Variants in OR5H14 observed in about 807,000 individuals in gnomAD.
The protein encoded by OR5H14 is olfactory receptor family 5 subfamily H member 14, also known as olfactory receptor 5H14.
For missense variants in OR5H14, 392 were observed against 363.9 expected (o/e 1.08, Z -0.63); for synonymous variants, 155 against 130.6 (o/e 1.19, Z -1.28).
chr3:98,148,747 T>C (rs1048793525), intron 1 of OR5H14, among the ~76,000 whole-genome samples: 1 of 152,048 alleles, frequency 6.6e-6, no homozygotes, highest in East Asian at 1.9e-4. Flanking sequence ...AAATACAGAT[T>C]TCTAGAACTC....
rs4997992 is a variant in OR5H14 at position 98,154,624 on chromosome 3, G to A, written c.*4306G>A. 3.1e-5 allele frequency: 3 copies of A among 96,012 alleles called. No individual in the cohort carries two copies. Among genetic ancestry groups the A allele is most frequent in the East Asian group, 7.5e-4 (1 of 1,336 alleles). The allele number at this position is 96,012 out of a possible 1,614,324, so 5.9% of individuals were successfully genotyped here. ...TAACTGAGCAAAAGGCTTAGTAGATGCAGAGTGACAAGATAGAGTATGATA... is the reference window on the plus strand; with the variant it reads ...TAACTGAGCAAAAGGCTTAGTAGATACAGAGTGACAAGATAGAGTATGATA... On this transcript the variant is annotated 3_prime_UTR_variant, in exon 2 of 2. Coordinates refer to ENST00000641380, the MANE Select transcript of OR5H14 (RefSeq NM_001005514.2).
At chr3:98,148,864 CCT>C (rs1708457359) in intron 1 of OR5H14, among the ~76,000 whole-genome samples, 1 of 151,998 alleles carries the variant, frequency 6.6e-6, no homozygotes, top group Admixed American at 6.6e-5. Flanking sequence ...ATTGCTGGAA[CCT>C]TAGTAACAAG....
chr3:98,149,181 C>A, intron 1 of OR5H14, 187 bp from the exon 2 acceptor site: 1 of 670,476 alleles, frequency 1.5e-6, no homozygotes, highest in Non-Finnish European at 2.4e-6. Flanking sequence ...ATATTACTAC[C>A]AAATTTTCAA....
At chr3:98,148,741 A>C (rs1467315340) in intron 1 of OR5H14, among the ~76,000 whole-genome samples, 1 of 152,062 alleles carries the variant, frequency 6.6e-6, no homozygotes, top group Admixed American at 6.6e-5. Flanking sequence ...ATTTTTAAAT[A>C]CAGATTTCTA....
At position 98,154,989 on chromosome 3, in the gene OR5H14, C is replaced by T. The variant is rs1032574667; in HGVS notation, c.*4671C>T. ...TGGAATTCTAACCTTCCTAACTGCT[C>T]CCACAGATAATATTCCTATTGTGAA... On this transcript the variant is annotated 3_prime_UTR_variant, in exon 2 of 2. Transcript: ENST00000641380. 2.7e-5 allele frequency: 4 copies of T among 146,398 alleles called. No homozygotes were observed. Among genetic ancestry groups the T allele is most frequent in the African/African-American group, 1.0e-4 (4 of 38,726 alleles). The allele number at this position is 146,398 out of a possible 1,614,324, so 9.1% of individuals were successfully genotyped here. A position where few individuals can be genotyped will look rare whatever the true frequency, so the allele number is the denominator to read the frequency against.
At position 98,150,063 on chromosome 3, in the gene OR5H14, GA is replaced by G. The variant is rs1165295502; in HGVS notation, c.683del (p.Lys228ArgfsTer7). 2 of 1,610,758 alleles carry G rather than the reference GA, an allele frequency of 1.2e-6. No homozygotes were observed. The highest frequency in any genetic ancestry group is 2.2e-5 in the East Asian group (1 of 44,752). Reference protein sequence around the residue: ...SYIFVLYTILKKKSVKGMRKA... With the variant: ...SYIFVLYTILXKKSVKGMRKA... ...ACATATTTGTCCTCTATACAATCTTGAAAAAGAAGTCTGTCAAAGGTATGAG... is the reference window on the plus strand; with the variant it reads ...ACATATTTGTCCTCTATACAATCTTGAAAAGAAGTCTGTCAAAGGTATGAG... On this transcript the variant is annotated frameshift_variant, in exon 2 of 2. Coordinates refer to ENST00000641380, the MANE Select transcript of OR5H14 (RefSeq NM_001005514.2). LOFTEE classifies it low-confidence loss of function (END_TRUNC).
At position 98,151,129 on chromosome 3, in the gene OR5H14, A is replaced by G. The variant is rs1414485345; in HGVS notation, c.*811A>G. On this transcript the variant is annotated 3_prime_UTR_variant, in exon 2 of 2. Coordinates refer to ENST00000641380, the MANE Select transcript of OR5H14 (RefSeq NM_001005514.2). ...AGATAAATGGCATAGTGGGAAGAAA[A>G]TGGTCTTAATCTTCCCAGAAAAAAA... 1 of 152,130 alleles carries G rather than the reference A, an allele frequency of 6.6e-6. No individual in the cohort carries two copies. Among genetic ancestry groups the G allele is most frequent in the South Asian group, 2.1e-4 (1 of 4,826 alleles). The allele number at this position is 152,130 out of a possible 1,614,324, so 9.4% of individuals were successfully genotyped here.
At chr3:98,149,209 T>G (rs1332104192) in intron 1 of OR5H14, 159 bp from the exon 2 acceptor site, 7 of 797,166 alleles carry the variant, frequency 8.8e-6, no homozygotes, top group African/African-American at 3.5e-5. Context: ...TATGACATTT[T>G]TTTCATTTCT....
intron 1 of OR5H14, among the ~76,000 whole-genome samples, chr3:98,148,583 C>A (rs1048714486): frequency 1.3e-5 from 2 of 151,972 alleles, no homozygotes; most frequent in African/African-American, 4.8e-5. Context: ...CCTTTATTAC[C>A]ACTTCTTCCC....
At position 98,154,046 on chromosome 3, in the gene OR5H14, A is replaced by G. The variant is rs991142616; in HGVS notation, c.*3728A>G. ...GTTTTGTAACTAGGTTAATGAGTTGAAGGTGGATCCCACTGATGAATAGGA... is the reference window on the plus strand; with the variant it reads ...GTTTTGTAACTAGGTTAATGAGTTGGAGGTGGATCCCACTGATGAATAGGA... On this transcript the variant is annotated 3_prime_UTR_variant, in exon 2 of 2. Coordinates refer to ENST00000641380, the MANE Select transcript of OR5H14 (RefSeq NM_001005514.2). The G allele has an allele frequency of 8.5e-5, 13 of 152,170 alleles. No individual in the cohort carries two copies. Among genetic ancestry groups the G allele is most frequent in the African/African-American group, 3.1e-4 (13 of 41,440 alleles). 9.4% of individuals were successfully genotyped at this position (152,170 alleles called of 1,614,324 possible). A position where few individuals can be genotyped will look rare whatever the true frequency, so the allele number is the denominator to read the frequency against.
chr3:98,150,311 A>G lies in OR5H14; in HGVS notation c.926A>G (p.Asp309Gly). 6.4e-7 allele frequency: 1 copy of G among 1,566,222 alleles called. No individual in the cohort carries two copies. The highest frequency in any genetic ancestry group is 1.2e-5 in the South Asian group (1 of 83,234). Residue 309 changes from aspartate to glycine, a missense_variant, in exon 2 of 2, where the codon GAT (aspartate) becomes GGT (glycine). By Grantham distance (94) the Asp-to-Gly change is moderately conservative. Coordinates refer to ENST00000641380, the MANE Select transcript of OR5H14 (RefSeq NM_001005514.2). Reference sequence around the variant, plus strand: ...TTCACAAAAATGTTCAAAAGAAATGATGTTTAGATCATTACTAATATCTCT... The same window carrying G: ...TTCACAAAAATGTTCAAAAGAAATGGTGTTTAGATCATTACTAATATCTCT... ...ASFTKMFKRN[D>G]V
rs1708469565 is a variant in OR5H14 at position 98,149,557 on chromosome 3, C to T, written c.172C>T (p.Pro58Ser). ...VIWKDPHLHIPMYLLLGNLAF... is the reference protein window; with the variant it reads ...VIWKDPHLHISMYLLLGNLAF... ...CTGGAAAGACCCTCATCTTCATATCCCAATGTACTTACTCCTTGGGAATTT... is the reference window on the plus strand; with the variant it reads ...CTGGAAAGACCCTCATCTTCATATCTCAATGTACTTACTCCTTGGGAATTT... Residue 58 changes from proline to serine, a missense_variant, in exon 2 of 2, where the codon CCA (proline) becomes TCA (serine). Physicochemically the swap from Pro to Ser is moderately conservative, Grantham distance 74 (BLOSUM62 -1). Coordinates refer to ENST00000641380, the MANE Select transcript of OR5H14 (RefSeq NM_001005514.2). 6.2e-7 allele frequency: 1 copy of T among 1,613,354 alleles called. No homozygotes were observed. The highest frequency in any genetic ancestry group is 8.5e-7 in the Non-Finnish European group (1 of 1,179,592).
At position 98,155,780 on chromosome 3, in the gene OR5H14, G is replaced by A. The variant is rs1411480380; in HGVS notation, c.*5462G>A. 1 of 152,250 alleles carries A rather than the reference G, an allele frequency of 6.6e-6. No individual in the cohort carries two copies. The highest frequency in any genetic ancestry group is 1.9e-4 in the East Asian group (1 of 5,180). 9.4% of individuals were successfully genotyped at this position (152,250 alleles called of 1,614,324 possible). Reference sequence around the variant, plus strand: ...GACCATATTAATCACAGCATTCAAAGCATCCTATTTTATGTACAAACTGAA... The same window carrying A: ...GACCATATTAATCACAGCATTCAAAACATCCTATTTTATGTACAAACTGAA... On this transcript the variant is annotated 3_prime_UTR_variant, in exon 2 of 2. Coordinates refer to ENST00000641380, the MANE Select transcript of OR5H14 (RefSeq NM_001005514.2).
In OR5H14 at chr3:98,155,859, T is replaced by C. The variant is rs1708583061; in HGVS notation, c.*5541T>C. 6.6e-6 allele frequency: 1 copy of C among 152,154 alleles called. No individual in the cohort carries two copies. Among genetic ancestry groups the C allele is most frequent in the African/African-American group, 2.4e-5 (1 of 41,450 alleles). The allele number at this position is 152,154 out of a possible 1,614,324, so 9.4% of individuals were successfully genotyped here. A position where few individuals can be genotyped will look rare whatever the true frequency, so the allele number is the denominator to read the frequency against. ...TGTTGTGGATAATAGTGGCATAAAG[T>C]GTAATTTCAATTGTTAAAACCCAAA... On this transcript the variant is annotated 3_prime_UTR_variant, in exon 2 of 2. Transcript: ENST00000641380.
chr3:98,156,489 C>G lies in OR5H14; in HGVS notation c.*6171C>G, dbSNP rs1176555741. ...TAAGTTTTTAATGATAATTCATTAT[C>G]TTGTTAACCTGACTATAATGATGTT... is the stretch of plus-strand genomic sequence containing the variant. On this transcript the variant is annotated 3_prime_UTR_variant, in exon 2 of 2. Coordinates refer to ENST00000641380, the MANE Select transcript of OR5H14 (RefSeq NM_001005514.2). 2.6e-5 allele frequency: 4 copies of G among 152,168 alleles called. No homozygotes were observed. Among genetic ancestry groups the G allele is most frequent in the East Asian group, 1.9e-4 (1 of 5,172 alleles). 9.4% of individuals were successfully genotyped at this position (152,168 alleles called of 1,614,324 possible).
Position 98,149,802 on chromosome 3 carries a change from A to G in OR5H14, c.417A>G (p.Gly139=), listed in dbSNP as rs1708474642. The change falls in exon 2 of 2, where the codon GGA becomes GGG. Residue 139 remains glycine, a synonymous_variant. Transcript: ENST00000641380. ...PLLYPAIMTN[G]LCIRLLILSY... is the part of the protein sequence containing the mutation. Reference sequence around the variant, plus strand: ...TTTATCCAGCCATTATGACCAATGGACTGTGCATCCGGCTATTAATCTTGT... The same window carrying G: ...TTTATCCAGCCATTATGACCAATGGGCTGTGCATCCGGCTATTAATCTTGT... 1.9e-6 allele frequency: 3 copies of G among 1,612,660 alleles called. No homozygotes were observed. In the South Asian group the frequency reaches 3.3e-5, roughly 18 times the overall value.
chr3:98,149,805 G>C lies in OR5H14; in HGVS notation c.420G>C (p.Leu140=). 1 of 1,607,412 alleles carries C rather than the reference G, an allele frequency of 6.2e-7. No individual in the cohort carries two copies. Among genetic ancestry groups the C allele is most frequent in the Non-Finnish European group, 8.5e-7 (1 of 1,179,396 alleles). Residue 140 remains leucine, a synonymous_variant, in exon 2 of 2, where the codon CTG becomes CTC. Coordinates refer to ENST00000641380, the MANE Select transcript of OR5H14 (RefSeq NM_001005514.2). ...LLYPAIMTNG[L]CIRLLILSYV... is the part of the protein sequence containing the mutation. ...ATCCAGCCATTATGACCAATGGACT[G>C]TGCATCCGGCTATTAATCTTGTCAT...
In OR5H14 at chr3:98,150,274, G is replaced by T. The variant is rs1708487555; in HGVS notation, c.889G>T (p.Val297Leu). Residue 297 changes from valine to leucine, a missense_variant, in exon 2 of 2, where the codon GTA becomes TTA. Transcript: ENST00000641380. Reference sequence around the variant, plus strand: ...GATCTACAGCCTGAGAAACAAGCAAGTAATAGCTTCATTCACAAAAATGTT... The same window carrying T: ...GATCTACAGCCTGAGAAACAAGCAATTAATAGCTTCATTCACAAAAATGTT... ...PMIYSLRNKQ[V>L]IASFTKMFKR... The T allele has an allele frequency of 6.3e-7, 1 of 1,592,558 alleles. No individual in the cohort carries two copies. Among genetic ancestry groups the T allele is most frequent in the African/African-American group, 1.4e-5 (1 of 73,678 alleles).
chr3:98,150,142 G>T lies in OR5H14; in HGVS notation c.757G>T (p.Gly253Trp), dbSNP rs767745867. 1 of 1,611,446 alleles carries T rather than the reference G, an allele frequency of 6.2e-7. No homozygotes were observed. Among genetic ancestry groups the T allele is most frequent in the Non-Finnish European group, 8.5e-7 (1 of 1,179,398 alleles). The change falls in exon 2 of 2, where the codon GGG becomes TGG. Residue 253 changes from glycine to tryptophan, a missense_variant. Coordinates refer to ENST00000641380, the MANE Select transcript of OR5H14 (RefSeq NM_001005514.2). ...TCTCTTATCTGTATCTTTATACTATGGGCCCCTCGCCTTCATGTATATGGG... is the reference window on the plus strand; with the variant it reads ...TCTCTTATCTGTATCTTTATACTATTGGCCCCTCGCCTTCATGTATATGGG... ...AHLLSVSLYY[G>W]PLAFMYMGSA...
Sources: allele counts gnomAD v4.1 joint callset (sites outside exome capture counted in the v4.1 genomes callset), GRCh38; gene constraint gnomAD v4.1.1; transcripts MANE v1.5; gene names NCBI Gene and HGNC (gene_info 2026-07-23, HGNC 2026-07-21).